The following CHST11 variants were observed in gnomAD, a reference collection of about 807,000 sequenced individuals.
The protein encoded by CHST11 is carbohydrate sulfotransferase 11.
CHST11 carries 9 observed loss-of-function variants against 30.4 expected under a neutral mutation model. That is an observed-to-expected ratio of 0.30 (90% CI 0.18 to 0.52). The LOEUF is 0.52. Among genes scored for constraint, CHST11 ranks in the 20% least tolerant of loss-of-function variants. The pLI, the probability that CHST11 is intolerant of heterozygous loss-of-function variation, is 0.97. For synonymous variants in CHST11, 152 were observed against 187.8 expected (o/e 0.81, Z 1.56); for missense variants, 348 against 460.6 (o/e 0.76, Z 2.24).
At chr12:104,743,797 G>A (rs1293615305) in intron 2 of CHST11, among the ~76,000 whole-genome samples, 1 of 152,006 alleles carries the variant, frequency 6.6e-6, no homozygotes, top group Non-Finnish European at 1.5e-5. Flanking sequence ...CCCACTGAGT[G>A]TTCCCCTCTG....
At chr12:104,568,045 A>G (rs1278231145) in intron 1 of CHST11, among the ~76,000 whole-genome samples, 3 of 152,224 alleles carry the variant, frequency 2.0e-5, no homozygotes, top group East Asian at 3.9e-4. Flanking sequence ...CAGAGATACC[A>G]AGTTTGTCTG....
chr12:104,606,163 T>TGGGGCGG lies in CHST11; in HGVS notation c.204+4184_204+4190dup, dbSNP rs1314833016. Reference sequence around the variant, plus strand: ...TTTAGAGGAATTCTGGGGAACTCTCTGGGGCGGGGGGCGGGGGGGGGAATG... The same window carrying TGGGGCGG: ...TTTAGAGGAATTCTGGGGAACTCTCTGGGGCGGGGGGCGGGGGGCGGGGGGGGGAATG... On this transcript the variant is annotated intron_variant, in intron 2 of 2. Coordinates refer to ENST00000303694, the MANE Select transcript of CHST11 (RefSeq NM_018413.6). Among the ~76,000 whole-genome samples, 369 of 20,924 alleles carry TGGGGCGG rather than the reference T, an allele frequency of 0.018. 19 individuals carry two copies. In the East Asian group the frequency reaches 0.34, roughly 19 times the overall value. The allele number at this position is 20,924 out of a possible 152,430, so 13.7% of individuals were successfully genotyped here.
intron 2 of CHST11, among the ~76,000 whole-genome samples, chr12:104,648,706 C>T (rs1017483748): frequency 3.3e-5 from 5 of 151,986 alleles, no homozygotes; most frequent in East Asian, 3.9e-4. Flanking sequence ...CCCAGCTACT[C>T]GGGAGGCCAG....
chr12:104,709,428 G>A (rs2040065372), intron 2 of CHST11, among the ~76,000 whole-genome samples: 1 of 152,222 alleles, frequency 6.6e-6, no homozygotes, highest in Admixed American at 6.5e-5. Context: ...AGAGGGACAG[G>A]CACTGTCCTC....
In CHST11 at chr12:104,729,974, T is replaced by G. The variant is rs2040244328; in HGVS notation, c.205-26975T>G. On this transcript the variant is annotated intron_variant, in intron 2 of 2. Transcript: ENST00000303694. The surrounding 1 kb of genome is among the most constrained non-coding windows in gnomAD (Gnocchi z 4.0). ...TTCCTGATCTCACCTGTCCCAGGAC[T>G]TGGGGCTCTAAGTAGCATTACACTG... 6.6e-6 allele frequency among the ~76,000 whole-genome samples: 1 copy of G among 152,204 alleles called. No individual in the cohort carries two copies. Among genetic ancestry groups the G allele is most frequent in the Admixed American group, 6.5e-5 (1 of 15,280 alleles).
At chr12:104,497,061 G>A (rs2037804169) in intron 1 of CHST11, among the ~76,000 whole-genome samples, 1 of 152,136 alleles carries the variant, frequency 6.6e-6, no homozygotes, top group African/African-American at 2.4e-5. Flanking sequence ...CAAGCCCCTG[G>A]TTTCTGTCAT....
chr12:104,574,097 G>A (rs2038658102), intron 1 of CHST11, among the ~76,000 whole-genome samples: 2 of 152,102 alleles, frequency 1.3e-5, no homozygotes. Flanking sequence ...GCAGCCAAAA[G>A]ACACATGAAA....
At chr12:104,670,656 C>CACA (rs2039686245) in intron 2 of CHST11, among the ~76,000 whole-genome samples, 1 of 149,750 alleles carries the variant, frequency 6.7e-6, no homozygotes, top group African/African-American at 2.5e-5. Flanking sequence ...CCCACACATA[C>CACA]CCACACACAC....
chr12:104,664,821 C>A (rs929665461), intron 2 of CHST11, among the ~76,000 whole-genome samples: 1 of 152,174 alleles, frequency 6.6e-6, no homozygotes, highest in African/African-American at 2.4e-5. Flanking sequence ...ATTGCAAGAA[C>A]TGTTTCATGG....
intron 2 of CHST11, among the ~76,000 whole-genome samples, chr12:104,618,346 C>T (rs1566010371): frequency 2.6e-5 from 4 of 151,934 alleles, no homozygotes; most frequent in Non-Finnish European, 5.9e-5. Flanking sequence ...ACTTCAGCCT[C>T]CCAAGTAGCT....
chr12:104,696,854 A>G (rs897334753), intron 2 of CHST11, among the ~76,000 whole-genome samples: 4 of 152,146 alleles, frequency 2.6e-5, no homozygotes, highest in African/African-American at 9.7e-5. Context: ...TTATGTTTTC[A>G]TAATTTATGT....
chr12:104,521,395 G>T (rs1024744519), intron 1 of CHST11, among the ~76,000 whole-genome samples: 2 of 152,178 alleles, frequency 1.3e-5, no homozygotes, highest in African/African-American at 2.4e-5. Context: ...CTTTTGTCTG[G>T]TCAGCCTGGT....
intron 1 of CHST11, among the ~76,000 whole-genome samples, chr12:104,548,873 A>AT (rs2136007568): frequency 6.6e-6 from 1 of 152,360 alleles, no homozygotes; most frequent in African/African-American, 2.4e-5. Flanking sequence ...AGAATGGATT[A>AT]TTTTTCAGAC....
At chr12:104,575,185 C>T (rs1332582561) in intron 1 of CHST11, among the ~76,000 whole-genome samples, 2 of 151,308 alleles carry the variant, frequency 1.3e-5, no homozygotes, top group African/African-American at 4.9e-5. Flanking sequence ...AGAGTGAGAT[C>T]CTGTCTCAAA....
Position 104,546,130 on chromosome 12 carries a change from AT to A in CHST11, c.119-55767del, listed in dbSNP as rs143770670. 5.7e-3 allele frequency among the ~76,000 whole-genome samples: 860 copies of A among 151,256 alleles called. 13 individuals are homozygous for A. In the East Asian group the frequency reaches 0.06, roughly 11 times the overall value. ...AACATTGTTGAATCATAAGTGATCC[AT>A]TTTTTTTTCTTTTTATTTCTGATTG... On this transcript the variant is annotated intron_variant, in intron 1 of 2. Transcript: ENST00000303694.
intron 2 of CHST11, among the ~76,000 whole-genome samples, chr12:104,739,665 G>A (rs2040330556): frequency 6.6e-6 from 1 of 152,220 alleles, no homozygotes. Context: ...TTTTAACTGT[G>A]AATATTAATT....
chr12:104,559,013 G>A (rs1183460351), intron 1 of CHST11, among the ~76,000 whole-genome samples: 3 of 151,872 alleles, frequency 2.0e-5, no homozygotes, highest in South Asian at 2.1e-4. Context: ...GCTTCTGGAC[G>A]GTAGGCTTCT....
At chr12:104,543,189 G>C (rs2038302365) in intron 1 of CHST11, among the ~76,000 whole-genome samples, 1 of 152,036 alleles carries the variant, frequency 6.6e-6, no homozygotes, top group Non-Finnish European at 1.5e-5. Flanking sequence ...GAGGTGCCAG[G>C]GTCTTTTAAA....
In CHST11 at chr12:104,476,808, C is replaced by T. The variant is rs571421396; in HGVS notation, c.118+19279C>T. Among the ~76,000 whole-genome samples the T allele has an allele frequency of 9.9e-5, 15 of 151,792 alleles. No individual in the cohort carries two copies. The East Asian group carries it at 2.9e-3, about 29-fold the overall frequency. ...TCCAGATTCCTGATGGAGCCTTCCT[C>T]TATCTCAACATTCATGCTTGCATTG... On this transcript the variant is annotated intron_variant, in intron 1 of 2. Coordinates refer to ENST00000303694, the MANE Select transcript of CHST11 (RefSeq NM_018413.6).
Sources: allele counts gnomAD v4.1 joint callset (sites outside exome capture counted in the v4.1 genomes callset), GRCh38; gene constraint gnomAD v4.1.1; non-coding constraint Gnocchi (gnomAD v3.1); transcripts MANE v1.5; gene names NCBI Gene and HGNC (gene_info 2026-07-23, HGNC 2026-07-21).